The following PPM1B variants were observed in gnomAD, a reference collection of about 807,000 sequenced individuals.
The protein encoded by PPM1B is protein phosphatase, Mg2+/Mn2+ dependent 1B, also known as protein phosphatase 1B.
In PPM1B, 22 loss-of-function variants were observed where a neutral mutation model predicts 43.0. The ratio of observed to expected loss-of-function variants is 0.51; its 90% CI spans 0.37 to 0.73. PPM1B has a LOEUF of 0.73. PPM1B is among the 30% of genes least tolerant of loss of function. The pLI is 0.00. For missense variants in PPM1B, 632 were observed against 584.2 expected, an observed-to-expected ratio of 1.08 and a Z score of -0.84; for synonymous variants, 217 against 197.9, an observed-to-expected ratio of 1.10 and a Z score of -0.81.
chr2:44,237,957 A>G (rs1336015183), downstream of PPM1B, among the ~76,000 whole-genome samples: 2 of 152,098 alleles, frequency 1.3e-5, no homozygotes, highest in South Asian at 4.1e-4. Flanking sequence ...CTGGAGTGCA[A>G]TGGCACGATC....
intron 1 of PPM1B, among the ~76,000 whole-genome samples, chr2:44,181,368 C>A (rs1013726215): frequency 6.6e-6 from 1 of 152,084 alleles, no homozygotes; most frequent in Non-Finnish European, 1.5e-5. Flanking sequence ...CTAGGCATGA[C>A]AAATTAGAGA....
intron 5 of PPM1B, among the ~76,000 whole-genome samples, chr2:44,229,195 A>G (rs1220071801): frequency 6.6e-6 from 1 of 152,020 alleles, no homozygotes; most frequent in East Asian, 1.9e-4. Context: ...AAAAAAAAAA[A>G]GAACGAAGAC....
At chr2:44,222,994 C>G (rs968827268) in intron 5 of PPM1B, among the ~76,000 whole-genome samples, 1 of 152,034 alleles carries the variant, frequency 6.6e-6, no homozygotes, top group Non-Finnish European at 1.5e-5. Context: ...CCACACTCGG[C>G]TAATTTTTTG....
chr2:44,203,323 T>C (rs1393063613), intron 2 of PPM1B, among the ~76,000 whole-genome samples: 6 of 152,200 alleles, frequency 3.9e-5, no homozygotes, highest in African/African-American at 1.4e-4. Context: ...GTATTGATGG[T>C]TGTCAGTGAT....
At chr2:44,237,330 A>G (rs1040091246), downstream of PPM1B, among the ~76,000 whole-genome samples, 2 of 152,208 alleles carry the variant, frequency 1.3e-5, no homozygotes, top group Non-Finnish European at 2.9e-5. Context: ...GTAGCTACTA[A>G]TAGAGAATAC....
intron 1 of PPM1B, among the ~76,000 whole-genome samples, chr2:44,172,336 C>T (rs573314270): frequency 6.6e-6 from 1 of 152,168 alleles, no homozygotes; most frequent in African/African-American, 2.4e-5. Context: ...AGTGTACTGA[C>T]ATTTCACTAT....
chr2:44,229,630 C>T (rs901865023), intron 5 of PPM1B, among the ~76,000 whole-genome samples: 6 of 152,078 alleles, frequency 3.9e-5, no homozygotes, highest in South Asian at 2.1e-4. Flanking sequence ...TTTTTTGGCA[C>T]GAATACAGGA....
At chr2:44,191,373 C>T (rs1452236684) in intron 1 of PPM1B, among the ~76,000 whole-genome samples, 1 of 152,080 alleles carries the variant, frequency 6.6e-6, no homozygotes, top group Non-Finnish European at 1.5e-5. Context: ...GCCACTATGC[C>T]TGGTTAATTT....
chr2:44,233,913 A>G, downstream of PPM1B: 1 of 985,430 alleles, frequency 1.0e-6, no homozygotes, highest in Non-Finnish European at 1.2e-6. Flanking sequence ...AAGATAGGGA[A>G]TGAAGAATGC....
intron 1 of PPM1B, among the ~76,000 whole-genome samples, chr2:44,199,255 C>T (rs1266166430): frequency 8.9e-6 from 1 of 112,834 alleles, no homozygotes; most frequent in South Asian, 2.9e-4. Context: ...GAGATTCCAT[C>T]TCAAAAAAAA....
At chr2:44,219,248 G>C (rs553157063) in intron 5 of PPM1B, 45 of 150,460 alleles carry the variant, frequency 3.0e-4, no homozygotes, top group African/African-American at 1.1e-3. Flanking sequence ...TTTTCTCTTG[G>C]GTTTTCAAGT....
At chr2:44,202,909 T>C (rs960995053) in intron 2 of PPM1B, among the ~76,000 whole-genome samples, 1 of 152,190 alleles carries the variant, frequency 6.6e-6, no homozygotes, top group Non-Finnish European at 1.5e-5. Flanking sequence ...ATTTGAGTTA[T>C]CTGGCCAGTG....
Position 44,204,907 on chromosome 2 carries a change from C to A in PPM1B, c.846+2862C>A, listed in dbSNP as rs958989838. Among the ~76,000 whole-genome samples the A allele has an allele frequency of 2.0e-5, 3 of 149,944 alleles. No individual in the cohort carries two copies. In the East Asian group the frequency reaches 5.8e-4, roughly 29 times the overall value. Reference sequence around the variant, plus strand: ...AAAGATAAGCATTTTTCAGGGTTGCCAGTTAATATTAATCTGTAAGTGTTG... The same window carrying A: ...AAAGATAAGCATTTTTCAGGGTTGCAAGTTAATATTAATCTGTAAGTGTTG... On this transcript the variant is annotated intron_variant, in intron 2 of 5. Transcript: ENST00000282412.
At chr2:44,175,576 C>T (rs1159127508) in intron 1 of PPM1B, among the ~76,000 whole-genome samples, 2 of 152,148 alleles carry the variant, frequency 1.3e-5, no homozygotes, top group Non-Finnish European at 2.9e-5. Flanking sequence ...GTTTACATTA[C>T]AGCTGAACTC....
chr2:44,189,359 C>T (rs758489120), intron 1 of PPM1B, among the ~76,000 whole-genome samples: 28 of 152,224 alleles, frequency 1.8e-4, no homozygotes, highest in Non-Finnish European at 3.2e-4. Context: ...TACTTGCAGG[C>T]ATGATCCTAT....
At chr2:44,179,960 G>T (rs2104015601) in intron 1 of PPM1B, among the ~76,000 whole-genome samples, 1 of 137,878 alleles carries the variant, frequency 7.3e-6, no homozygotes, top group South Asian at 2.4e-4. Context: ...AGTGAGCCGA[G>T]ATCCTACCAT....
intron 1 of PPM1B, among the ~76,000 whole-genome samples, chr2:44,198,835 G>T (rs1309919133): frequency 6.6e-6 from 1 of 152,186 alleles, no homozygotes; most frequent in Non-Finnish European, 1.5e-5. Context: ...AAAAGTGCAG[G>T]TAGTGTCTGG....
At chr2:44,177,488 G>A (rs975582085) in intron 1 of PPM1B, among the ~76,000 whole-genome samples, 11 of 138,968 alleles carry the variant, frequency 7.9e-5, no homozygotes, top group African/African-American at 2.7e-4. Context: ...GCATGATCTC[G>A]GCTCACTGCA....
chr2:44,212,992 G>A (rs1399056559), intron 3 of PPM1B, among the ~76,000 whole-genome samples: 7 of 131,460 alleles, frequency 5.3e-5, no homozygotes, highest in Admixed American at 3.6e-4. Flanking sequence ...CAGGCTGGGC[G>A]ACAGAGCAAG....
Sources: allele counts gnomAD v4.1 joint callset (sites outside exome capture counted in the v4.1 genomes callset), GRCh38; gene constraint gnomAD v4.1.1; transcripts MANE v1.5; gene names NCBI Gene and HGNC (gene_info 2026-07-23, HGNC 2026-07-21).